RNF168: variants seen among roughly 807,000 people sequenced by gnomAD.
RNF168 encodes the protein ring finger protein 168.
RNF168 carries 34 observed loss-of-function variants against 34.9 expected under a neutral mutation model. The observed-to-expected ratio is 0.97, with a 90% CI of 0.74 to 1.30. RNF168 has a LOEUF of 1.30. Ranked by LOEUF, RNF168 falls within the 50% of genes most tolerant of loss-of-function variation. The pLI is 0.00. For synonymous variants in RNF168, 264 were observed against 254.7 expected, an observed-to-expected ratio of 1.04 and a Z score of -0.35; for missense variants, 725 against 682.5, an observed-to-expected ratio of 1.06 and a Z score of -0.69.
intron 4 of RNF168, among the ~76,000 whole-genome samples, chr3:196,480,482 G>C (rs1403182380): frequency 1.3e-5 from 2 of 152,206 alleles, no homozygotes; most frequent in African/African-American, 4.8e-5. Flanking sequence ...TTCTGAGCGA[G>C]ACTCCGTCTC....
chr3:196,469,405 T>C lies in RNF168; in HGVS notation c.*2414A>G, dbSNP rs1003640902. On this transcript the variant is annotated 3_prime_UTR_variant, in exon 6 of 6. Transcript: ENST00000318037. ...AGAATTTATAATTACCCAATCAGCA[T>C]TGACATAGATGCCATCAGGTATGCA... The C allele has an allele frequency of 8.5e-5, 13 of 152,192 alleles. No individual in the cohort carries two copies. The highest frequency in any genetic ancestry group is 2.7e-4 in the African/African-American group (11 of 41,452). 9.4% of individuals were successfully genotyped at this position (152,192 alleles called of 1,614,324 possible). A position where few individuals can be genotyped will look rare whatever the true frequency, so the allele number is the denominator to read the frequency against.
At chr3:196,496,628 T>TC (rs1379843876) in intron 1 of RNF168, among the ~76,000 whole-genome samples, 1 of 152,262 alleles carries the variant, frequency 6.6e-6, no homozygotes, top group Non-Finnish European at 1.5e-5. Flanking sequence ...ATGTCAATTC[T>TC]CCCCAAATTG....
chr3:196,499,088 T>C (rs1732818493), intron 1 of RNF168, among the ~76,000 whole-genome samples: 1 of 152,108 alleles, frequency 6.6e-6, no homozygotes, highest in Non-Finnish European at 1.5e-5. Context: ...AATGTGGTCT[T>C]AACTGGAAAC....
intron 4 of RNF168, among the ~76,000 whole-genome samples, chr3:196,478,867 G>A (rs1008754455): frequency 2.0e-5 from 3 of 149,420 alleles, no homozygotes; most frequent in South Asian, 2.1e-4. Context: ...GGCTGATCTC[G>A]AATGCCTGAC....
In RNF168 at chr3:196,503,736, T is replaced by A. The variant is rs1473319437; in HGVS notation, c.-563A>T. Reference sequence around the variant, plus strand: ...CCTCCTACGCAGCCAGAAACCCTATTCGTTGCGGCAGCGCAGCAGCCACCG... The same window carrying A: ...CCTCCTACGCAGCCAGAAACCCTATACGTTGCGGCAGCGCAGCAGCCACCG... On this transcript the variant is annotated 5_prime_UTR_variant, in exon 1 of 6. Transcript: ENST00000318037. The A allele has an allele frequency of 3.1e-5, 5 of 162,988 alleles. No homozygotes were observed. Among genetic ancestry groups the A allele is most frequent in the Non-Finnish European group, 6.8e-5 (5 of 74,064 alleles). The allele number at this position is 162,988 out of a possible 1,614,324, so 10.1% of individuals were successfully genotyped here.
At position 196,471,991 on chromosome 3, in the gene RNF168, C is replaced by T. The variant is rs1732018371; in HGVS notation, c.1544G>A (p.Arg515Lys). 1 of 1,614,030 alleles carries T rather than the reference C, an allele frequency of 6.2e-7. No homozygotes were observed. The highest frequency in any genetic ancestry group is 1.7e-5 in the Admixed American group (1 of 59,998). ...TAAAGACACTTGCCTATTTTTGTCC[C>T]TTGAGCCTCTCTCTGGTGTTGGATG... ...TKHPTPERGS[R>K]DKNRQVSLKM... Residue 515 changes from arginine (R) to lysine (K), a missense_variant, in exon 6 of 6, where the codon AGG becomes AAG. Arg to Lys is a conservative substitution (Grantham distance 26, BLOSUM62 2). Transcript: ENST00000318037.
In RNF168 at chr3:196,483,724, C is replaced by A. The variant is rs761901670; in HGVS notation, c.680+46G>T. ...AGTCTATATGAACAGAAAACACTGG[C>A]ATACAGTAGGAGGTCAACAAATAAT... is the stretch of plus-strand genomic sequence containing the variant. On this transcript the variant is annotated intron_variant, in intron 4 of 5. Coordinates refer to ENST00000318037, the MANE Select transcript of RNF168 (RefSeq NM_152617.4). 14 of 1,535,896 alleles carry A rather than the reference C, an allele frequency of 9.1e-6. No individual in the cohort carries two copies. In the South Asian group the frequency reaches 1.6e-4, roughly 17 times the overall value.
At chr3:196,499,559 A>G (rs1488459222) in intron 1 of RNF168, among the ~76,000 whole-genome samples, 4 of 152,200 alleles carry the variant, frequency 2.6e-5, no homozygotes, top group Admixed American at 2.6e-4. Context: ...GCGGTGGCTC[A>G]CGCTTGTAAT....
chr3:196,498,536 T>TAC (rs1243778501), intron 1 of RNF168, among the ~76,000 whole-genome samples: 1 of 152,044 alleles, frequency 6.6e-6, no homozygotes, highest in East Asian at 1.9e-4. Flanking sequence ...AGGCCACACA[T>TAC]ACACACACAG....
intron 4 of RNF168, 86 bp downstream of exon 4, chr3:196,483,684 T>C (rs1478449500): frequency 8.5e-7 from 1 of 1,182,448 alleles, no homozygotes; most frequent in Admixed American, 1.7e-5. Flanking sequence ...GGACCAAACT[T>C]TGAGAATCAG....
chr3:196,485,904 T>C (rs1399473417), intron 3 of RNF168, among the ~76,000 whole-genome samples: 1 of 152,218 alleles, frequency 6.6e-6, no homozygotes, highest in Non-Finnish European at 1.5e-5. Flanking sequence ...CACACTTCCC[T>C]ACATGCCTCT....
intron 1 of RNF168, among the ~76,000 whole-genome samples, chr3:196,495,800 G>A (rs1015672092): frequency 2.6e-5 from 4 of 152,096 alleles, no homozygotes; most frequent in Non-Finnish European, 5.9e-5. Flanking sequence ...TGTAATTCTT[G>A]CCTGCATCAA....
chr3:196,484,332 C>T (rs1054615687), intron 3 of RNF168, among the ~76,000 whole-genome samples: 12 of 151,624 alleles, frequency 7.9e-5, no homozygotes, highest in African/African-American at 2.4e-4. Context: ...CCACCATGCC[C>T]GGCTAATTTT....
At position 196,472,120 on chromosome 3, in the gene RNF168, T is replaced by C. The variant is rs1222465133; in HGVS notation, c.1415A>G (p.Asp472Gly). 7 of 1,614,098 alleles carry C rather than the reference T, an allele frequency of 4.3e-6. No individual in the cohort carries two copies. Among genetic ancestry groups the C allele is most frequent in the Admixed American group, 1.7e-5 (1 of 59,994 alleles). Reference protein sequence around the residue: ...MVPNRQKGSPDEYHLRATSSP... With the variant: ...MVPNRQKGSPGEYHLRATSSP... ...GGATGTAGCGCGTAAGTGATACTCA[T>C]CTGGGGATCCTTTTTGCCGGTTTGG... Residue 472 changes from aspartate to glycine, a missense_variant, in exon 6 of 6, where the codon GAT (aspartate) becomes GGT (glycine). Asp to Gly is a moderately conservative substitution (Grantham distance 94). Transcript: ENST00000318037.
At chr3:196,500,356 TG>T (rs1392648748) in intron 1 of RNF168, among the ~76,000 whole-genome samples, 1 of 152,198 alleles carries the variant, frequency 6.6e-6, no homozygotes, top group African/African-American at 2.4e-5. Context: ...ACATGCAGTA[TG>T]GATGAACCTG....
At position 196,472,357 on chromosome 3, in the gene RNF168, G is replaced by A. The variant is rs778308435; in HGVS notation, c.1178C>T (p.Ser393Phe). ...TGGATCCTTGACTGCTTCAAAGGAA[G>A]ATTCTTGGTTTTTTCTTTTGGAAAT... Reference protein sequence around the residue: ...KEISKRKNQESSFEAVKDPCF... With the variant: ...KEISKRKNQEFSFEAVKDPCF... Residue 393 changes from serine (S) to phenylalanine (F), a missense_variant, in exon 6 of 6, where the codon TCT becomes TTT. Ser to Phe is a radical substitution (Grantham distance 155, BLOSUM62 -2). Transcript: ENST00000318037. 5.6e-6 allele frequency: 9 copies of A among 1,614,054 alleles called. No homozygotes were observed. The Admixed American group carries it at 8.3e-5, about 15-fold the overall frequency.
rs377498695 is a variant in RNF168, at chr3:196,503,155, C to A, written c.19G>T (p.Ala7Ser). The A allele has an allele frequency of 8.1e-6, 13 of 1,614,026 alleles. No homozygotes were observed. The East Asian group carries it at 1.3e-4, about 17-fold the overall frequency. Residue 7 changes from alanine (A) to serine (S), a missense_variant, in exon 1 of 6, where the codon GCC (alanine) becomes TCC (serine). Ala to Ser is a moderately conservative substitution (Grantham distance 99). Coordinates refer to ENST00000318037, the MANE Select transcript of RNF168 (RefSeq NM_152617.4). MALPKD[A>S]IPSLSECQCG... ...TGGCACTCGGACAGCGAGGGGATGGCGTCTTTGGGTAGAGCCATTTCAATA... is the reference window on the plus strand; with the variant it reads ...TGGCACTCGGACAGCGAGGGGATGGAGTCTTTGGGTAGAGCCATTTCAATA...
chr3:196,476,896 C>T (rs946529085), intron 4 of RNF168, among the ~76,000 whole-genome samples: 15 of 151,334 alleles, frequency 9.9e-5, no homozygotes, highest in African/African-American at 3.6e-4. Flanking sequence ...TACAGGCACA[C>T]GCCACCATGC....
At chr3:196,475,526 G>T in intron 4 of RNF168, 6 of 452,250 alleles carry the variant, frequency 1.3e-5, no homozygotes, top group African/African-American at 2.1e-5. Flanking sequence ...AGAAAAGGAA[G>T]TAAAAGTCAA....
Sources: gnomAD v4.1 joint callset for allele counts (sites outside exome capture counted in the v4.1 genomes callset) on GRCh38, gnomAD v4.1.1 for gene constraint, MANE v1.5 for transcripts, NCBI Gene and HGNC (gene_info 2026-07-23, HGNC 2026-07-21) for gene names.